ESS2: variants seen among roughly 807,000 people sequenced by gnomAD.
ESS2 encodes splicing factor ESS-2 homolog.
Under a neutral mutation model 52.0 loss-of-function variants are expected in ESS2, and 31 were observed. That is an observed-to-expected ratio of 0.60 (90% CI 0.45 to 0.81). ESS2 has a LOEUF of 0.81. Among genes scored for constraint, ESS2 ranks in the 30% least tolerant of loss-of-function variants. ESS2 has a pLI of 0.00. For synonymous variants in ESS2, 285 were observed against 259.2 expected (o/e 1.10, Z -0.95); for missense variants, 602 against 637.2 (o/e 0.94, Z 0.59).
chr22:19,131,663 C>G lies in ESS2; in HGVS notation c.*2533G>C. 6.2e-7 allele frequency: 1 copy of G among 1,614,130 alleles called. No individual in the cohort carries two copies. The highest frequency in any genetic ancestry group is 8.5e-7 in the Non-Finnish European group (1 of 1,180,028). On this transcript the variant is annotated 3_prime_UTR_variant, in exon 10 of 10. Transcript: ENST00000252137. The surrounding 1 kb of genome is among the most constrained non-coding windows in gnomAD (Gnocchi z 5.7). ...AGACCTCTGACGGACGGATCTACAT[C>G]ATCATGGAGCTTGGCGTCCAGGGCG...
chr22:19,132,623 C>A lies in ESS2; in HGVS notation c.*1573G>T, dbSNP rs1436989241. On this transcript the variant is annotated 3_prime_UTR_variant, in exon 10 of 10. Transcript: ENST00000252137. This position sits in a 1 kb window ranked among gnomAD's most constrained non-coding sequence, Gnocchi z 4.2. ...GTCAATTAAACCACTATTTTGATTACGTTCCATTAGCTTTCTTCCACTTAG... is the reference window on the plus strand; with the variant it reads ...GTCAATTAAACCACTATTTTGATTAAGTTCCATTAGCTTTCTTCCACTTAG... The A allele has an allele frequency of 2.5e-6, 2 of 785,070 alleles. No individual in the cohort carries two copies. The highest frequency in any genetic ancestry group is 1.7e-5 in the African/African-American group (1 of 57,776). The allele number at this position is 785,070 out of a possible 1,614,324, so 48.6% of individuals were successfully genotyped here.
At position 19,133,138 on chromosome 22, in the gene ESS2, G is replaced by T. The variant is rs936340280; in HGVS notation, c.*1058C>A. On this transcript the variant is annotated 3_prime_UTR_variant, in exon 10 of 10. Transcript: ENST00000252137. ...CCTCCCCGTGTGCCCTCCCCACCCAGTGGCTCTTCAAGCTGCTCAGCAGCC... is the reference window on the plus strand; with the variant it reads ...CCTCCCCGTGTGCCCTCCCCACCCATTGGCTCTTCAAGCTGCTCAGCAGCC... 1 of 152,438 alleles carries T rather than the reference G, an allele frequency of 6.6e-6. No homozygotes were observed. The highest frequency in any genetic ancestry group is 2.4e-5 in the African/African-American group (1 of 41,436). The allele number at this position is 152,438 out of a possible 1,614,324, so 9.4% of individuals were successfully genotyped here. A position where few individuals can be genotyped will look rare whatever the true frequency, so the allele number is the denominator to read the frequency against.
rs769216541 is a variant in ESS2, at chr22:19,131,357, C to T, written c.*2839G>A. ...GGACAATGCCTGCTGGCCCACATGA[C>T]GGGGGGATGTAGACGGCAGCGGCGC... On this transcript the variant is annotated 3_prime_UTR_variant, in exon 10 of 10. Transcript: ENST00000252137. The surrounding 1 kb of genome is among the most constrained non-coding windows in gnomAD (Gnocchi z 5.7). 1.5e-5 allele frequency: 22 copies of T among 1,513,950 alleles called. No individual in the cohort carries two copies. Among genetic ancestry groups the T allele is most frequent in the Admixed American group, 5.8e-5 (3 of 52,150 alleles). 93.8% of individuals were successfully genotyped at this position (1,513,950 alleles called of 1,614,324 possible).
intron 8 of ESS2, 128 bp from the exon 9 acceptor site, chr22:19,135,303 A>C: frequency 4.4e-6 from 3 of 680,886 alleles, no homozygotes; most frequent in South Asian, 2.0e-5. Flanking sequence ...ACAACCCATC[A>C]CCTCCCACTA....
chr22:19,140,064 G>C (rs755345673), intron 3 of ESS2, 40 bp from the exon 4 acceptor site: 3 of 1,606,414 alleles, frequency 1.9e-6, no homozygotes, highest in Non-Finnish European at 2.5e-6. Flanking sequence ...AGCACCCTTT[G>C]CAGTCAGGAA....
Position 19,131,847 on chromosome 22 carries a change from A to G in ESS2, c.*2349T>C. The stretch of plus-strand genomic sequence containing the variant: ...CCTTCTCCTCGACAAGGACTTCAAC[A>G]TCAAGCTGTCTGACTTTGGCTTCTC... On this transcript the variant is annotated 3_prime_UTR_variant, in exon 10 of 10. Coordinates refer to ENST00000252137, the MANE Select transcript of ESS2 (RefSeq NM_022719.3). This position sits in a 1 kb window ranked among gnomAD's most constrained non-coding sequence, Gnocchi z 5.7. 6.2e-7 allele frequency: 1 copy of G among 1,614,066 alleles called. No individual in the cohort carries two copies. The highest frequency in any genetic ancestry group is 1.1e-5 in the South Asian group (1 of 91,078).
In ESS2 at chr22:19,137,396, A is replaced by G; in HGVS notation, c.962T>C (p.Val321Ala). Residue 321 changes from valine (V) to alanine (A), a missense_variant, in exon 8 of 10, where the codon GTT (valine) becomes GCT (alanine). Physicochemically the swap from Val to Ala is moderately conservative, Grantham distance 64. Transcript: ENST00000252137. ...NESPMMTWGE[V>A]ENTPLRVEGS... ...TTCAACTCTCAAGGGTGTGTTCTCA[A>G]CCTCCCCCCAGGTCATCATCGGGGA... 6.2e-7 allele frequency: 1 copy of G among 1,612,658 alleles called. No individual in the cohort carries two copies. Among genetic ancestry groups the G allele is most frequent in the Non-Finnish European group, 8.5e-7 (1 of 1,179,554 alleles).
At chr22:19,143,062 G>A (rs918922275) in intron 1 of ESS2, among the ~76,000 whole-genome samples, 168 bp from the exon 2 acceptor site, 3 of 151,918 alleles carry the variant, frequency 2.0e-5, no homozygotes, top group South Asian at 2.1e-4. Flanking sequence ...AAAATTAGCC[G>A]GGCGTGGTGG....
chr22:19,138,751 C>T (rs544813714), intron 6 of ESS2, among the ~76,000 whole-genome samples: 1 of 152,344 alleles, frequency 6.6e-6, no homozygotes, highest in South Asian at 2.1e-4. Flanking sequence ...AGTATCTACT[C>T]GTCTTGCTCC....
At chr22:19,139,485 T>A in intron 5 of ESS2, 127 bp downstream of exon 5, 1 of 1,229,382 alleles carries the variant, frequency 8.1e-7, no homozygotes, top group Non-Finnish European at 1.2e-6. Context: ...GACAGACCAG[T>A]ACCCATCAGA....
chr22:19,133,979 A>T lies in ESS2; in HGVS notation c.*217T>A. 2.2e-6 allele frequency: 1 copy of T among 457,104 alleles called. No individual in the cohort carries two copies. The highest frequency in any genetic ancestry group is 3.6e-6 in the Non-Finnish European group (1 of 276,768). 28.3% of individuals were successfully genotyped at this position (457,104 alleles called of 1,614,324 possible). On this transcript the variant is annotated 3_prime_UTR_variant, in exon 10 of 10. Transcript: ENST00000252137. ...TTAATGACAGTTCAAGGGGCCAATTAAACAGCAAACAGCTTGGCAAGGCCC... is the reference window on the plus strand; with the variant it reads ...TTAATGACAGTTCAAGGGGCCAATTTAACAGCAAACAGCTTGGCAAGGCCC...
chr22:19,144,423 CA>C, intron 1 of ESS2, 82 bp downstream of exon 1: 2 of 1,595,434 alleles, frequency 1.3e-6, no homozygotes, highest in South Asian at 2.2e-5. Context: ...GACGGAGTGT[CA>C]ACACCCGAGA....
chr22:19,139,766 C>A (rs1569110531), intron 4 of ESS2, 37 bp from the exon 5 acceptor site: 3 of 1,613,894 alleles, frequency 1.9e-6, no homozygotes, highest in Non-Finnish European at 2.5e-6. Flanking sequence ...GTCAGAGATG[C>A]CCCTGGGCAT....
intron 3 of ESS2, 60 bp from the exon 4 acceptor site, chr22:19,140,084 C>A (rs988150690): frequency 2.5e-6 from 4 of 1,581,356 alleles, no homozygotes; most frequent in Middle Eastern, 1.7e-4. Context: ...AAGAGGAGGA[C>A]ACCCAGGCCC....
Position 19,134,102 on chromosome 22 carries a change from G to A in ESS2, c.*94C>T. On this transcript the variant is annotated 3_prime_UTR_variant, in exon 10 of 10. Transcript: ENST00000252137. ...GGTATGGTCAACAGCTTCTGGCCCAGGCCTGGGCCCCGAGAAGGCTGGAGT... is the reference window on the plus strand; with the variant it reads ...GGTATGGTCAACAGCTTCTGGCCCAAGCCTGGGCCCCGAGAAGGCTGGAGT... 1 of 1,368,196 alleles carries A rather than the reference G, an allele frequency of 7.3e-7. No homozygotes were observed. The highest frequency in any genetic ancestry group is 9.5e-7 in the Non-Finnish European group (1 of 1,055,994). 84.8% of individuals were successfully genotyped at this position (1,368,196 alleles called of 1,614,324 possible). A position where few individuals can be genotyped will look rare whatever the true frequency, so the allele number is the denominator to read the frequency against.
chr22:19,139,670 C>T lies in ESS2; in HGVS notation c.630G>A (p.Gln210=). 2 of 1,614,232 alleles carry T rather than the reference C, an allele frequency of 1.2e-6. No individual in the cohort carries two copies. The highest frequency in any genetic ancestry group is 1.7e-6 in the Non-Finnish European group (2 of 1,180,036). ...TGTACTTCCAGGTCTCCACACTGGC[C>T]TGGCTGCTCTCGATGGCCTGGTGCT... ...SAEHQAIESS[Q]ASVETWKYKA... Residue 210 remains glutamine (Q), a synonymous_variant, in exon 5 of 10, where the codon CAG becomes CAA. Transcript: ENST00000252137.
intron 7 of ESS2, chr22:19,137,678 G>A: frequency 1.1e-6 from 1 of 947,486 alleles, no homozygotes; most frequent in Non-Finnish European, 1.3e-6. Context: ...AAGCCTCTGG[G>A]AGGTCTCCCC....
Position 19,130,931 on chromosome 22 carries a change from C to T in ESS2, c.*3265G>A, listed in dbSNP as rs2083500101. ...AGGACACAGCCCTGGGGGTGCTTTT[C>T]TTCATAGCCAAAGAAGCTGCAGGAA... On this transcript the variant is annotated 3_prime_UTR_variant, in exon 10 of 10. Transcript: ENST00000252137. 1 of 188,096 alleles carries T rather than the reference C, an allele frequency of 5.3e-6. No homozygotes were observed. Among genetic ancestry groups the T allele is most frequent in the Admixed American group, 5.4e-5 (1 of 18,452 alleles). The allele number at this position is 188,096 out of a possible 1,614,324, so 11.7% of individuals were successfully genotyped here. A position where few individuals can be genotyped will look rare whatever the true frequency, so the allele number is the denominator to read the frequency against.
rs768822340 is a variant in ESS2, at chr22:19,144,604, G to T, written c.37C>A (p.Leu13Ile). 1.9e-6 allele frequency: 3 copies of T among 1,591,166 alleles called. No homozygotes were observed. Among genetic ancestry groups the T allele is most frequent in the East Asian group, 2.3e-5 (1 of 43,302 alleles). The change falls in exon 1 of 10, where the codon CTT becomes ATT. Residue 13 changes from leucine (L) to isoleucine (I), a missense_variant. Physicochemically the swap from Leu to Ile is conservative, Grantham distance 5 (BLOSUM62 2). Transcript: ENST00000252137. Reference sequence around the variant, plus strand: ...CTCGGGGGCCTGGACGCGGCGGGAAGCAACAAGGACGACGCTGATGCGCCC... The same window carrying T: ...CTCGGGGGCCTGGACGCGGCGGGAATCAACAAGGACGACGCTGATGCGCCC... ...TPGASASSLLLPAASRPPRKR... is the reference protein window; with the variant it reads ...TPGASASSLLIPAASRPPRKR...
Sources: gnomAD v4.1 joint callset for allele counts (sites outside exome capture counted in the v4.1 genomes callset) on GRCh38, gnomAD v4.1.1 for gene constraint, Gnocchi (gnomAD v3.1) non-coding constraint, MANE v1.5 for transcripts, NCBI Gene and HGNC (gene_info 2026-07-23, HGNC 2026-07-21) for gene names.